ANKHD1: variants seen among roughly 807,000 people sequenced by gnomAD.
The protein encoded by ANKHD1 is ankyrin repeat and KH domain-containing protein 1.
ANKHD1 carries 31 observed loss-of-function variants against 230.5 expected under a neutral mutation model. The observed-to-expected ratio is 0.13, with a 90% CI of 0.10 to 0.18. ANKHD1 has a LOEUF of 0.18. Ranked by LOEUF, ANKHD1 falls within the 10% of genes least tolerant of loss-of-function variation. The pLI, the probability that ANKHD1 is intolerant of heterozygous loss-of-function variation, is 1.00. For missense variants in ANKHD1, 2,256 were observed against 3,071.3 expected, an observed-to-expected ratio of 0.73 and a Z score of 6.27; for synonymous variants, 1,074 against 1,117.6, an observed-to-expected ratio of 0.96 and a Z score of 0.78.
At chr5:140,519,649 A>G (rs1365088922) in intron 24 of ANKHD1, among the ~76,000 whole-genome samples, 1 of 152,202 alleles carries the variant, frequency 6.6e-6, no homozygotes, top group African/African-American at 2.4e-5. Flanking sequence ...CTGATCTTTG[A>G]CAAACCTGAG....
At position 140,527,143 on chromosome 5, in the gene ANKHD1, A is replaced by C. The variant is rs2127086554; in HGVS notation, c.5087+69A>C. ...CCTTTCTCATGTGAGATGGCTACCT[A>C]GTTAATTAATGAATAATTTGAATGT... On this transcript the variant is annotated intron_variant, in intron 27 of 33. Transcript: ENST00000360839. The surrounding 1 kb of genome is among the most constrained non-coding windows in gnomAD (Gnocchi z 4.5). The C allele has an allele frequency of 6.8e-7, 1 of 1,476,146 alleles. No individual in the cohort carries two copies. Among genetic ancestry groups the C allele is most frequent in the Non-Finnish European group, 9.0e-7 (1 of 1,109,360 alleles). The allele number at this position is 1,476,146 out of a possible 1,614,324, so 91.4% of individuals were successfully genotyped here. A position where few individuals can be genotyped will look rare whatever the true frequency, so the allele number is the denominator to read the frequency against.
chr5:140,505,571 A>C (rs1752502102), intron 17 of ANKHD1, among the ~76,000 whole-genome samples, 153 bp from the exon 18 acceptor site: 1 of 152,194 alleles, frequency 6.6e-6, no homozygotes, highest in Non-Finnish European at 1.5e-5. Context: ...TTTGTCACTA[A>C]CAAATTAGGG....
intron 24 of ANKHD1, among the ~76,000 whole-genome samples, chr5:140,520,178 A>C (rs1430484243): frequency 6.6e-6 from 1 of 152,228 alleles, no homozygotes; most frequent in Admixed American, 6.5e-5. Flanking sequence ...ACATGAAAAA[A>C]TGCTCCTCAT....
At chr5:140,419,712 C>T (rs914780546) in intron 1 of ANKHD1, among the ~76,000 whole-genome samples, 3 of 151,292 alleles carry the variant, frequency 2.0e-5, no homozygotes, top group African/African-American at 7.3e-5. Flanking sequence ...AAGTGATTCT[C>T]CTGCCTGTCT....
chr5:140,437,873 A>C (rs1773568821), intron 2 of ANKHD1, among the ~76,000 whole-genome samples: 1 of 152,188 alleles, frequency 6.6e-6, no homozygotes, highest in Non-Finnish European at 1.5e-5. Flanking sequence ...TCACCATTTT[A>C]GTTTGCATTC....
intron 1 of ANKHD1, among the ~76,000 whole-genome samples, chr5:140,428,846 G>T (rs944576916): frequency 1.3e-5 from 2 of 151,290 alleles, no homozygotes; most frequent in African/African-American, 2.4e-5. Context: ...GCAGTGGCGC[G>T]ATCTTGGCTC....
intron 1 of ANKHD1, among the ~76,000 whole-genome samples, chr5:140,427,655 C>T: frequency 6.7e-6 from 1 of 148,764 alleles, no homozygotes; most frequent in South Asian, 2.1e-4. Context: ...GGCTGACCCC[C>T]CCACCTCCCT....
At chr5:140,428,037 G>A (rs1772678976) in intron 1 of ANKHD1, among the ~76,000 whole-genome samples, 1 of 152,016 alleles carries the variant, frequency 6.6e-6, no homozygotes, top group Non-Finnish European at 1.5e-5. Context: ...CCCGGACGAT[G>A]GGCAGCCGGG....
intron 24 of ANKHD1, among the ~76,000 whole-genome samples, chr5:140,522,797 A>T (rs1753412009): frequency 1.3e-5 from 2 of 152,192 alleles, no homozygotes; most frequent in South Asian, 4.1e-4. Flanking sequence ...CCTGCAGTGT[A>T]TGAAGGTTTC....
intron 10 of ANKHD1, chr5:140,472,438 A>G: frequency 7.3e-7 from 1 of 1,375,842 alleles, no homozygotes; most frequent in South Asian, 2.0e-5. Flanking sequence ...ATTGAAAAAG[A>G]TTATGAAGTC....
Position 140,526,225 on chromosome 5 carries a change from T to C in ANKHD1, c.4722T>C (p.Asp1574=), listed in dbSNP as rs1020872324. 5 of 1,613,996 alleles carry C rather than the reference T, an allele frequency of 3.1e-6. No homozygotes were observed. The African/African-American group carries it at 6.7e-5, about 22-fold the overall frequency. Residue 1574 remains aspartate, a synonymous_variant, in exon 26 of 34, where the codon GAT becomes GAC. Transcript: ENST00000360839. ...TGTCTTTAGCCCAACAAAAGGCAGA[T>C]AAAAATAAAATAAATGGAGAACCTA... ...QHMSLAQQKA[D]KNKINGEPRG... is the part of the protein sequence containing the mutation.
rs1272288049 is a variant in ANKHD1, at chr5:140,486,848, G to A, written c.2143-110G>A. 2.7e-6 allele frequency: 3 copies of A among 1,101,860 alleles called. No individual in the cohort carries two copies. The African/African-American group carries it at 4.8e-5, about 17-fold the overall frequency. 68.3% of individuals were successfully genotyped at this position (1,101,860 alleles called of 1,614,324 possible). Reference sequence around the variant, plus strand: ...TTAAAAAAAGCTTCAGGAAACAAAAGTGCATTTGGTGGTATATGAAGATAA... The same window carrying A: ...TTAAAAAAAGCTTCAGGAAACAAAAATGCATTTGGTGGTATATGAAGATAA... On this transcript the variant is annotated intron_variant, in intron 13 of 33. Coordinates refer to ENST00000360839, the MANE Select transcript of ANKHD1 (RefSeq NM_017747.3).
chr5:140,440,335 T>C, intron 4 of ANKHD1, 69 bp downstream of exon 4: 1 of 1,510,262 alleles, frequency 6.6e-7, no homozygotes, highest in Non-Finnish European at 8.8e-7. Flanking sequence ...TTTTTGTCAC[T>C]TATAAGATAG....
At chr5:140,464,533 G>GAAAACT in intron 9 of ANKHD1, 134 bp from the exon 10 acceptor site, 1 of 682,030 alleles carries the variant, frequency 1.5e-6, no homozygotes. Flanking sequence ...ATATTTAAAG[G>GAAAACT]AAAACTAGTA....
chr5:140,504,217 C>T (rs1752445393), intron 15 of ANKHD1, among the ~76,000 whole-genome samples: 1 of 151,954 alleles, frequency 6.6e-6, no homozygotes, highest in Non-Finnish European at 1.5e-5. Flanking sequence ...ACCTGGCTAA[C>T]TTTCTGTTTT....
intron 10 of ANKHD1, 39 bp from the exon 11 acceptor site, chr5:140,482,541 G>C: frequency 2.5e-6 from 4 of 1,600,322 alleles, no homozygotes; most frequent in Non-Finnish European, 3.4e-6. Context: ...TGGTTAGACT[G>C]TTGGCATTGA....
intron 10 of ANKHD1, among the ~76,000 whole-genome samples, chr5:140,471,032 T>C (rs895401489): frequency 1.3e-5 from 2 of 152,144 alleles, no homozygotes; most frequent in African/African-American, 2.4e-5. Context: ...GATTTTGGAA[T>C]ATTTGCAGAA....
chr5:140,520,362 T>A (rs1185063764), intron 24 of ANKHD1, among the ~76,000 whole-genome samples: 14 of 152,020 alleles, frequency 9.2e-5, no homozygotes, highest in African/African-American at 3.4e-4. Flanking sequence ...ATTGTGGAAG[T>A]CAGTGTGGCG....
chr5:140,479,977 A>T (rs1428798667), intron 10 of ANKHD1, among the ~76,000 whole-genome samples: 1 of 149,690 alleles, frequency 6.7e-6, no homozygotes, highest in Non-Finnish European at 1.5e-5. Flanking sequence ...TAGATATATT[A>T]TTATTTTTTT....
Sources: gnomAD v4.1 joint callset for allele counts (sites outside exome capture counted in the v4.1 genomes callset) on GRCh38, gnomAD v4.1.1 for gene constraint, Gnocchi (gnomAD v3.1) non-coding constraint, MANE v1.5 for transcripts, NCBI Gene and HGNC (gene_info 2026-07-23, HGNC 2026-07-21) for gene names.